PLEKHA6: variants seen among roughly 807,000 people sequenced by gnomAD.
The protein encoded by PLEKHA6 is pleckstrin homology domain containing A6.
PLEKHA6 carries 60 observed loss-of-function variants against 116.7 expected under a neutral mutation model. The observed-to-expected ratio is 0.51, with a 90% confidence interval of 0.42 to 0.64. The LOEUF (loss-of-function observed/expected upper bound fraction) is 0.64, where lower values mean the gene tolerates loss of function less well. Ranked by LOEUF, PLEKHA6 falls within the 30% of genes least tolerant of loss-of-function variation. PLEKHA6 has a pLI of 0.00. For synonymous variants in PLEKHA6, 489 were observed against 556.1 expected (o/e 0.88, Z 1.70); for missense variants, 1,338 against 1,422.7 (o/e 0.94, Z 0.96).
chr1:204,219,283 T>A lies in PLEKHA6; in HGVS notation c.*3505A>T, dbSNP rs1659409503. On this transcript the variant is annotated 3_prime_UTR_variant, in exon 23 of 23. Transcript: ENST00000272203. ...TATAATGTGTGTGTATATCATATTTTTTCTTAGTTTTAAGAGCTGCCAGGT... is the reference window on the plus strand; with the variant it reads ...TATAATGTGTGTGTATATCATATTTATTCTTAGTTTTAAGAGCTGCCAGGT... The A allele has an allele frequency of 1.3e-5, 2 of 152,344 alleles. No homozygotes were observed. The highest frequency in any genetic ancestry group is 4.2e-4 in the South Asian group (2 of 4,794). The allele number at this position is 152,344 out of a possible 1,614,324, so 9.4% of individuals were successfully genotyped here.
In PLEKHA6 at chr1:204,284,495, G is replaced by A. The variant is rs553114232; in HGVS notation, c.-94-9686C>T. Among the ~76,000 whole-genome samples, 11 of 152,256 alleles carry A rather than the reference G, an allele frequency of 7.2e-5. No homozygotes were observed. The East Asian group carries it at 1.2e-3, about 16-fold the overall frequency. On this transcript the variant is annotated intron_variant, in intron 1 of 22. Transcript: ENST00000272203. Reference sequence around the variant, plus strand: ...TTGCCAAGGACTCTGAGGGCAAAGCGATATCCCTGCACTGCTGCCTGCTGG... The same window carrying A: ...TTGCCAAGGACTCTGAGGGCAAAGCAATATCCCTGCACTGCTGCCTGCTGG...
chr1:204,257,237 C>A lies in PLEKHA6; in HGVS notation c.1524+116G>T. 2 of 995,982 alleles carry A rather than the reference C, an allele frequency of 2.0e-6. No individual in the cohort carries two copies. Among genetic ancestry groups the A allele is most frequent in the Non-Finnish European group, 1.5e-6 (1 of 663,148 alleles). 61.7% of individuals were successfully genotyped at this position (995,982 alleles called of 1,614,324 possible). On this transcript the variant is annotated intron_variant, in intron 9 of 22. Transcript: ENST00000272203. The surrounding 1 kb of genome is among the most constrained non-coding windows in gnomAD (Gnocchi z 6.5). ...CAGCACTGCTGGTCCTGCAGACAAA[C>A]GGCCCAGTGGCCCCGTGGCACAGAT...
intron 17 of PLEKHA6, among the ~76,000 whole-genome samples, chr1:204,237,844 T>G (rs1430707150): frequency 6.6e-6 from 1 of 152,248 alleles, no homozygotes; most frequent in Non-Finnish European, 1.5e-5. Context: ...ATTGATGACC[T>G]TATGCTGATT....
rs1021285401 is a variant in PLEKHA6, at chr1:204,319,980, G to A, written c.-95+39714C>T. Among the ~76,000 whole-genome samples, 9 of 152,242 alleles carry A rather than the reference G, an allele frequency of 5.9e-5. No individual in the cohort carries two copies. In the East Asian group the frequency reaches 1.2e-3, roughly 20 times the overall value. On this transcript the variant is annotated intron_variant, in intron 1 of 22. Transcript: ENST00000272203. ...CTGCGGGTCTAATTCTAACAGGGACGAGTGGAACAGGCTGCCCTACTAGAG... is the reference window on the plus strand; with the variant it reads ...CTGCGGGTCTAATTCTAACAGGGACAAGTGGAACAGGCTGCCCTACTAGAG...
intron 1 of PLEKHA6, among the ~76,000 whole-genome samples, chr1:204,350,108 G>A (rs1241102288): frequency 2.0e-5 from 3 of 152,166 alleles, no homozygotes; most frequent in Admixed American, 2.0e-4. Context: ...GCTCACTTGA[G>A]CCCAGAAGTT....
chr1:204,255,187 A>G (rs555475230), intron 9 of PLEKHA6, among the ~76,000 whole-genome samples: 1 of 152,310 alleles, frequency 6.6e-6, no homozygotes, highest in East Asian at 1.9e-4. Flanking sequence ...CAGTTTACCA[A>G]TTATGGAGTT....
rs79336137 is a variant in PLEKHA6, at chr1:204,225,251, G to T, written c.3032-1666C>A. The stretch of plus-strand genomic sequence containing the variant: ...GCCCTAAGGGCATTCCTTTAACAGA[G>T]ATCGGCAAAATAAAGATATTTATAA... On this transcript the variant is annotated intron_variant, in intron 21 of 22. Coordinates refer to ENST00000272203, the MANE Select transcript of PLEKHA6 (RefSeq NM_014935.5). Among the ~76,000 whole-genome samples the T allele has an allele frequency of 7.4e-3, 1,130 of 152,306 alleles. 11 individuals carry two copies. Among genetic ancestry groups the T allele is most frequent in the African/African-American group, 0.026 (1,073 of 41,576 alleles).
chr1:204,237,523 G>A (rs2102513692), intron 17 of PLEKHA6, among the ~76,000 whole-genome samples: 1 of 152,320 alleles, frequency 6.6e-6, no homozygotes, highest in African/African-American at 2.4e-5. Context: ...GAATGACAAT[G>A]GATTATTGTG....
intron 17 of PLEKHA6, 90 bp downstream of exon 17, chr1:204,241,285 T>A: frequency 1.3e-6 from 1 of 791,118 alleles, no homozygotes. Context: ...CTGAATTTCT[T>A]GAACAGCAGA....
chr1:204,278,094 A>C (rs1416555148), intron 1 of PLEKHA6: 1 of 152,116 alleles, frequency 6.6e-6, no homozygotes, highest in African/African-American at 2.4e-5. Context: ...TATCGATGTT[A>C]ATTCCCCTGA....
chr1:204,305,696 C>T (rs1671232612), intron 1 of PLEKHA6, among the ~76,000 whole-genome samples: 2 of 152,182 alleles, frequency 1.3e-5, no homozygotes, highest in South Asian at 4.1e-4. Context: ...ACAGCAGCAT[C>T]TACCAACTAC....
At chr1:204,300,736 T>C (rs1477001892) in intron 1 of PLEKHA6, among the ~76,000 whole-genome samples, 2 of 152,208 alleles carry the variant, frequency 1.3e-5, no homozygotes, top group African/African-American at 2.4e-5. Flanking sequence ...CAGACCTGGA[T>C]TGGAATGACA....
chr1:204,244,613 CCT>C (rs771770731), intron 15 of PLEKHA6, among the ~76,000 whole-genome samples: 12 of 152,178 alleles, frequency 7.9e-5, no homozygotes, highest in Non-Finnish European at 1.5e-4. Context: ...TGCTATCCAT[CCT>C]GGTGCCCAGG....
chr1:204,243,086 C>T, intron 15 of PLEKHA6: 1 of 399,210 alleles, frequency 2.5e-6, no homozygotes, highest in Non-Finnish European at 4.4e-6. Context: ...CCCTGCCCCA[C>T]CCTCCAGGAC....
Position 204,257,460 on chromosome 1 carries a change from G to C in PLEKHA6, c.1417C>G (p.Pro473Ala). Residue 473 changes from proline to alanine, a missense_variant, in exon 9 of 23, where the codon CCT (proline) becomes GCT (alanine). Physicochemically the swap from Pro to Ala is conservative, Grantham distance 27. This residue lies in a region of PLEKHA6 where 1,136 missense variants were observed against 1,163.6 expected (regional missense o/e 0.98). Transcript: ENST00000272203. This position sits in a 1 kb window ranked among gnomAD's most constrained non-coding sequence, Gnocchi z 6.5. ...AAACGGGCACTGGGTGAGCGGACAGGGGAGTAAATGCGGGCACGGCTGTAG... is the reference window on the plus strand; with the variant it reads ...AAACGGGCACTGGGTGAGCGGACAGCGGAGTAAATGCGGGCACGGCTGTAG... ...GSYSRARIYS[P>A]VRSPSARFER... The C allele has an allele frequency of 6.4e-7, 1 of 1,572,000 alleles. No individual in the cohort carries two copies.
intron 1 of PLEKHA6, among the ~76,000 whole-genome samples, chr1:204,279,567 T>C (rs1572039563): frequency 1.3e-5 from 2 of 152,188 alleles, no homozygotes; most frequent in South Asian, 2.1e-4. Flanking sequence ...CATGAATACA[T>C]ACCCAAATGG....
Position 204,229,065 on chromosome 1 carries a change from T to C in PLEKHA6, c.2623A>G (p.Asn875Asp). ...TCTGCCCGCAGGGCTGCCTCCAGGT[T>C]GGAGATGTCTACCTCATGGATGCTG... ...HRSIHEVDISNLEAALRAEEP... is the reference protein window; with the variant it reads ...HRSIHEVDISDLEAALRAEEP... Residue 875 changes from asparagine to aspartate, a missense_variant, in exon 19 of 23, where the codon AAC (asparagine) becomes GAC (aspartate). Physicochemically the swap from Asn to Asp is conservative, Grantham distance 23 (BLOSUM62 1). Coordinates refer to ENST00000272203, the MANE Select transcript of PLEKHA6 (RefSeq NM_014935.5). 1 of 1,613,884 alleles carries C rather than the reference T, an allele frequency of 6.2e-7. No homozygotes were observed. Among genetic ancestry groups the C allele is most frequent in the East Asian group, 2.2e-5 (1 of 44,874 alleles).
At chr1:204,273,846 CA>C (rs1667733521) in intron 2 of PLEKHA6, 106 bp from the exon 3 acceptor site, 2 of 759,350 alleles carry the variant, frequency 2.6e-6, no homozygotes, top group African/African-American at 3.4e-5. Context: ...AGCATCAGCA[CA>C]AAATTAGATC....
upstream of PLEKHA6, among the ~76,000 whole-genome samples, chr1:204,360,689 A>G (rs1673539990): frequency 6.6e-6 from 1 of 152,184 alleles, no homozygotes; most frequent in Admixed American, 6.5e-5. Context: ...AATAATAAAC[A>G]AAAAATGCAA....
Sources: gnomAD v4.1 joint callset for allele counts (sites outside exome capture counted in the v4.1 genomes callset) on GRCh38, gnomAD v4.1.1 for gene constraint, gnomAD v4.1.1 regional missense constraint, Gnocchi (gnomAD v3.1) non-coding constraint, MANE v1.5 for transcripts, NCBI Gene and HGNC (gene_info 2026-07-23, HGNC 2026-07-21) for gene names.